Variants in CA5A observed in about 807,000 individuals in gnomAD.
CA5A encodes carbonic anhydrase 5A.
A neutral mutation model predicts 37.1 loss-of-function variants in CA5A; 28 were observed. That is an observed-to-expected ratio of 0.75 (90% CI 0.56 to 1.03). The LOEUF is 1.03. Ranked by LOEUF, CA5A falls within the 50% of genes least tolerant of loss-of-function variation. The pLI is 0.00. For synonymous variants in CA5A, 171 were observed against 158.4 expected, an observed-to-expected ratio of 1.08 and a Z score of -0.60; for missense variants, 444 against 399.9, an observed-to-expected ratio of 1.11 and a Z score of -0.94.
intron 2 of CA5A, among the ~76,000 whole-genome samples, chr16:87,919,543 G>T (rs1376040258): frequency 6.6e-6 from 1 of 152,030 alleles, no homozygotes; most frequent in Non-Finnish European, 1.5e-5. Flanking sequence ...GGAAAGCAGA[G>T]TCTGGGGGAG....
chr16:87,897,122 T>A (rs2055814286), intron 5 of CA5A, among the ~76,000 whole-genome samples: 2 of 152,242 alleles, frequency 1.3e-5, no homozygotes, highest in South Asian at 4.1e-4. Context: ...GCTCAGTAGG[T>A]GCTGCCGCTG....
intron 2 of CA5A, among the ~76,000 whole-genome samples, chr16:87,925,018 C>G (rs2056285138): frequency 6.6e-6 from 1 of 152,306 alleles, no homozygotes; most frequent in African/African-American, 2.4e-5. Context: ...TGCTGAGTGC[C>G]TAGGAGGCCT....
At chr16:87,904,133 G>A (rs564586873) in intron 3 of CA5A, among the ~76,000 whole-genome samples, 24 of 152,212 alleles carry the variant, frequency 1.6e-4, no homozygotes, top group African/African-American at 5.8e-4. Context: ...CTTGAGGTCA[G>A]GAGTTCGAGA....
In CA5A at chr16:87,926,949, C is replaced by G. The variant is rs1279518443; in HGVS notation, c.143-4G>C. ...GGGACCGTCCAGAGTGGGTGCACTG[C>G]AGGGAGAGAGACGGAGACCCTGAGT... On this transcript the variant is annotated splice_region_variant and splice_polypyrimidine_tract_variant and intron_variant, in intron 1 of 6. Transcript: ENST00000649794. 2.6e-6 allele frequency: 4 copies of G among 1,561,646 alleles called. No individual in the cohort carries two copies. Among genetic ancestry groups the G allele is most frequent in the Non-Finnish European group, 3.5e-6 (4 of 1,149,622 alleles).
intron 1 of CA5A, among the ~76,000 whole-genome samples, chr16:87,934,749 C>T (rs1351124547): frequency 6.6e-6 from 1 of 152,126 alleles, no homozygotes; most frequent in East Asian, 1.9e-4. Flanking sequence ...CACCTGAGGT[C>T]GGGAGTTTGA....
At chr16:87,912,381 G>T (rs915597494) in intron 2 of CA5A, among the ~76,000 whole-genome samples, 1 of 152,294 alleles carries the variant, frequency 6.6e-6, no homozygotes, top group South Asian at 2.1e-4. Flanking sequence ...GCAGAGATCC[G>T]CAGTCCCCTG....
chr16:87,902,056 T>G, intron 4 of CA5A, 82 bp from the exon 5 acceptor site: 1 of 1,280,492 alleles, frequency 7.8e-7, no homozygotes. Flanking sequence ...TACACCACGT[T>G]TTAAAAGCAA....
intron 4 of CA5A, chr16:87,882,083 C>G (rs1320789562): frequency 6.6e-6 from 1 of 152,210 alleles, no homozygotes; most frequent in Non-Finnish European, 1.5e-5. Flanking sequence ...CCAAGCCCAC[C>G]TGGAAATGGG....
intron 2 of CA5A, among the ~76,000 whole-genome samples, chr16:87,913,750 C>G (rs530725066): frequency 6.6e-6 from 1 of 152,046 alleles, no homozygotes; most frequent in South Asian, 2.1e-4. Flanking sequence ...CAGTGACTGA[C>G]TCGTCCCCGG....
At chr16:87,887,869 T>A (rs1266960493), downstream of CA5A, 1 of 392,202 alleles carries the variant, frequency 2.5e-6, no homozygotes, top group Non-Finnish European at 4.5e-6. Context: ...CCACCAAGTT[T>A]GTGGTACTTC....
At chr16:87,907,191 C>T (rs2055974801) in intron 2 of CA5A, among the ~76,000 whole-genome samples, 1 of 152,144 alleles carries the variant, frequency 6.6e-6, no homozygotes, top group African/African-American at 2.4e-5. Flanking sequence ...GCACTTCAGC[C>T]TGGGCGACAG....
intron 6 of CA5A, among the ~76,000 whole-genome samples, chr16:87,889,357 A>G (rs1353808465): frequency 3.9e-5 from 6 of 152,152 alleles, no homozygotes; most frequent in Admixed American, 6.6e-5. Context: ...CCCGGCTCAA[A>G]TGATTGTTTT....
intron 6 of CA5A, among the ~76,000 whole-genome samples, chr16:87,890,866 C>G (rs2055703265): frequency 6.6e-6 from 1 of 152,046 alleles, no homozygotes; most frequent in Admixed American, 6.6e-5. Flanking sequence ...GTGATCTCAG[C>G]TCACTGCAGC....
intron 6 of CA5A, among the ~76,000 whole-genome samples, chr16:87,891,332 G>T (rs112772857): frequency 1.3e-5 from 2 of 151,602 alleles, no homozygotes; most frequent in South Asian, 4.2e-4. Flanking sequence ...GCCAGGCGTG[G>T]TGATGGGTGC....
chr16:87,883,122 G>T (rs1201952643), downstream of CA5A: 2 of 152,246 alleles, frequency 1.3e-5, no homozygotes, highest in African/African-American at 4.8e-5. Context: ...CCAGGTTCAA[G>T]CAATTCTCCT....
chr16:87,893,191 G>A (rs963401176), intron 5 of CA5A: 20 of 422,658 alleles, frequency 4.7e-5, no homozygotes, highest in East Asian at 3.6e-4. Context: ...GCAGTGGTGC[G>A]ATCTCAGCTC....
In CA5A at chr16:87,926,933, C is replaced by T; in HGVS notation, c.155G>A (p.Trp52Ter). ...CCCTGGCACGGAGACCGGGACCGTC[C>T]AGAGTGGGTGCACTGCAGGGAGAGA... ...QTSNNTLHPL[W>*]TVPVSVPGGT... Residue 52 changes from tryptophan to a stop codon, truncating the protein, a stop_gained, in exon 2 of 7, where the codon TGG (tryptophan) becomes TAG (stop). Transcript: ENST00000649794. LOFTEE classifies it high-confidence loss of function. 1 of 1,580,312 alleles carries T rather than the reference C, an allele frequency of 6.3e-7. No homozygotes were observed. Among genetic ancestry groups the T allele is most frequent in the South Asian group, 1.1e-5 (1 of 87,622 alleles).
Position 87,915,526 on chromosome 16 carries a change from ATTTT to A in CA5A, c.341-10626_341-10623del, listed in dbSNP as rs59358304. ...CAACAGTACCAGATCCTGTGTCAAA[ATTTT>A]TTTTTTTTTTTTTTTTTTTTTTGTG... is the stretch of plus-strand genomic sequence containing the variant. On this transcript the variant is annotated intron_variant, in intron 2 of 6. Coordinates refer to ENST00000649794, the MANE Select transcript of CA5A (RefSeq NM_001739.2). Among the ~76,000 whole-genome samples the A allele has an allele frequency of 5.9e-3, 429 of 72,994 alleles. 4 individuals carry two copies. The highest frequency in any genetic ancestry group is 0.021 in the African/African-American group (409 of 19,094). 47.9% of individuals were successfully genotyped at this position (72,994 alleles called of 152,430 possible). A position where few individuals can be genotyped will look rare whatever the true frequency, so the allele number is the denominator to read the frequency against.
downstream of CA5A, chr16:87,884,261 C>CAAAAAAAAAAAAAAAA (rs969489629): frequency 3.7e-5 from 1 of 26,798 alleles, no homozygotes; most frequent in Non-Finnish European, 7.9e-5. Context: ...ACTAAAAATG[C>CAAAAAAAAAAAAAAAA]AAAAAAAAAA....
Sources: allele counts gnomAD v4.1 joint callset (sites outside exome capture counted in the v4.1 genomes callset), GRCh38; gene constraint gnomAD v4.1.1; transcripts MANE v1.5; gene names NCBI Gene and HGNC (gene_info 2026-07-23, HGNC 2026-07-21).